KIF25: variants seen among roughly 807,000 people sequenced by gnomAD.
KIF25 encodes kinesin-like protein KIF25.
Under a neutral mutation model 32.9 loss-of-function variants are expected in KIF25, and 19 were observed. That is an observed-to-expected ratio of 0.58 (90% CI 0.40 to 0.85). KIF25 has a LOEUF of 0.85. Among genes scored for constraint, KIF25 ranks in the 40% least tolerant of loss-of-function variants. KIF25 has a pLI of 0.00. For synonymous variants in KIF25, 225 were observed against 213.7 expected, an observed-to-expected ratio of 1.05 and a Z score of -0.46; for missense variants, 485 against 507.0, an observed-to-expected ratio of 0.96 and a Z score of 0.42.
intron 4 of KIF25, among the ~76,000 whole-genome samples, chr6:168,004,610 C>A (rs775024519): frequency 6.6e-6 from 1 of 152,140 alleles, no homozygotes; most frequent in African/African-American, 2.4e-5. Flanking sequence ...TCATTTGAAA[C>A]CCCCAATGAA....
chr6:168,036,807 A>T (rs1416395666), intron 8 of KIF25, among the ~76,000 whole-genome samples: 2 of 152,228 alleles, frequency 1.3e-5, no homozygotes, highest in Admixed American at 1.3e-4. Context: ...CACACCTATA[A>T]TCCCATAACT....
Position 168,040,082 on chromosome 6 carries a change from C to G in KIF25, c.512C>G (p.Ser171Trp), listed in dbSNP as rs192414127. 4 of 1,613,356 alleles carry G rather than the reference C, an allele frequency of 2.5e-6. No homozygotes were observed. Among genetic ancestry groups the G allele is most frequent in the Non-Finnish European group, 3.4e-6 (4 of 1,179,662 alleles). Residue 171 changes from serine to tryptophan, a missense_variant, in exon 10 of 13, where the codon TCG becomes TGG. Physicochemically the swap from Ser to Trp is radical, Grantham distance 177. This residue lies in a region of KIF25 where 480 missense variants were observed against 470.3 expected (regional missense o/e 1.02). Coordinates refer to ENST00000643607, the MANE Select transcript of KIF25 (RefSeq NM_030615.4). The part of the protein sequence containing the change: ...LLASEAVGSA[S>W]KLMELVHGGL... ...GTCTGTAGGGCTGTCGGCAGCGCCT[C>G]GAAACTGATGGAGCTCGTTCATGGA...
Position 168,042,613 on chromosome 6 carries a change from C to G in KIF25, c.882C>G (p.Arg294=), listed in dbSNP as rs1352557889. The change falls in exon 12 of 13, where the codon CGC becomes CGG. Residue 294 remains arginine (R), a synonymous_variant. Coordinates refer to ENST00000643607, the MANE Select transcript of KIF25 (RefSeq NM_030615.4). The stretch of plus-strand genomic sequence containing the variant: ...TGAGGGAGATGGCGTGCATCAGCCG[C>G]AGCCTTGCGGCCCTGGCAGGCGTCC... ...LALREMACIS[R]SLAALAGVLG... The G allele has an allele frequency of 6.2e-7, 1 of 1,614,020 alleles. No individual in the cohort carries two copies. The highest frequency in any genetic ancestry group is 8.5e-7 in the Non-Finnish European group (1 of 1,180,006).
chr6:168,044,513 C>T (rs1407626932), intron 12 of KIF25, among the ~76,000 whole-genome samples: 17 of 130,732 alleles, frequency 1.3e-4, no homozygotes, highest in South Asian at 2.6e-4. Flanking sequence ...AGGTGAGGGA[C>T]GCTAGTGACT....
At chr6:168,042,949 G>A (rs75064779) in intron 12 of KIF25, among the ~76,000 whole-genome samples, 1 of 152,096 alleles carries the variant, frequency 6.6e-6, no homozygotes, top group South Asian at 2.1e-4. Flanking sequence ...CCTGGTTGGG[G>A]CTCAGTTTCT....
chr6:168,019,745 A>G (rs1422540665), intron 5 of KIF25, among the ~76,000 whole-genome samples: 1 of 152,220 alleles, frequency 6.6e-6, no homozygotes, highest in Non-Finnish European at 1.5e-5. Context: ...TCATGGCGCC[A>G]TGGGACCATG....
intron 4 of KIF25, among the ~76,000 whole-genome samples, chr6:168,005,021 G>A (rs376932016): frequency 5.9e-5 from 9 of 152,320 alleles, no homozygotes; most frequent in African/African-American, 2.2e-4. Context: ...TGTTTTTAAA[G>A]GCAGGAGGAC....
At chr6:168,015,975 C>T (rs1166888810) in intron 4 of KIF25, among the ~76,000 whole-genome samples, 1 of 152,140 alleles carries the variant, frequency 6.6e-6, no homozygotes, top group African/African-American at 2.4e-5. Flanking sequence ...CATTTGAAGA[C>T]AGCAGTAAAA....
chr6:168,019,487 G>A (rs763090108), intron 5 of KIF25, among the ~76,000 whole-genome samples: 2 of 152,094 alleles, frequency 1.3e-5, no homozygotes, highest in Non-Finnish European at 2.9e-5. Flanking sequence ...GAGGAGACGC[G>A]AACGTACTGG....
chr6:168,003,313 A>G (rs1161957843), intron 3 of KIF25, among the ~76,000 whole-genome samples: 2 of 152,232 alleles, frequency 1.3e-5, no homozygotes, highest in Non-Finnish European at 1.5e-5. Context: ...ATACATAAAA[A>G]GTAAAGAGTA....
rs139595539 is a variant in KIF25, at chr6:168,040,136, C to G, written c.566C>G (p.Thr189Ser). Residue 189 changes from threonine (T) to serine (S), a missense_variant, in exon 10 of 13, where the codon ACC becomes AGC. Physicochemically the swap from Thr to Ser is moderately conservative, Grantham distance 58 (BLOSUM62 1). Transcript: ENST00000643607. ...CTGCAGCTCAGGGCGAAGCACCCCA[C>G]CCTGGTGCACGCGGATTCCTCCAGG... The part of the protein sequence containing the change: ...GGLQLRAKHP[T>S]LVHADSSRSH... The G allele has an allele frequency of 1.2e-6, 2 of 1,614,114 alleles. No individual in the cohort carries two copies. Among genetic ancestry groups the G allele is most frequent in the African/African-American group, 2.7e-5 (2 of 75,076 alleles).
At chr6:168,005,140 A>G (rs2516810) in intron 4 of KIF25, among the ~76,000 whole-genome samples, 134,758 of 151,922 alleles carry the variant, frequency 0.89, 59,851 homozygotes, top group South Asian at 0.9. Flanking sequence ...TGTCACAGGC[A>G]AGCCTGGCAT....
chr6:168,001,193 TC>T (rs1435770865), intron 2 of KIF25, among the ~76,000 whole-genome samples: 1 of 152,236 alleles, frequency 6.6e-6, no homozygotes, highest in African/African-American at 2.4e-5. Flanking sequence ...AAGAAGTGTT[TC>T]CGATGTTGAA....
intron 12 of KIF25, among the ~76,000 whole-genome samples, chr6:168,044,088 G>A (rs889019758): frequency 7.2e-5 from 11 of 152,210 alleles, no homozygotes; most frequent in Non-Finnish European, 1.3e-4. Flanking sequence ...CAATTCCCGG[G>A]ACACAGGAGT....
intron 7 of KIF25, 65 bp downstream of exon 7, chr6:168,030,912 T>C: frequency 7.9e-7 from 1 of 1,258,944 alleles, no homozygotes; most frequent in Non-Finnish European, 1.1e-6. Flanking sequence ...AGCTTCACTG[T>C]GCTGTGGAGT....
intron 5 of KIF25, among the ~76,000 whole-genome samples, chr6:168,024,920 A>G (rs559804476): frequency 6.6e-6 from 1 of 152,244 alleles, no homozygotes; most frequent in African/African-American, 2.4e-5. Flanking sequence ...GCGTGGTGGC[A>G]CACGCCTATA....
intron 4 of KIF25, among the ~76,000 whole-genome samples, chr6:168,008,945 G>A (rs1283645102): frequency 2.0e-5 from 3 of 152,074 alleles, no homozygotes; most frequent in South Asian, 4.2e-4. Context: ...CAACTTTACC[G>A]AAGTTGTCGA....
chr6:168,037,699 C>T (rs1352803269), intron 8 of KIF25, among the ~76,000 whole-genome samples: 1 of 152,034 alleles, frequency 6.6e-6, no homozygotes, highest in Non-Finnish European at 1.5e-5. Context: ...AACATTCCTA[C>T]AAGCCAGTGC....
intron 5 of KIF25, among the ~76,000 whole-genome samples, chr6:168,025,521 C>T (rs1177460306): frequency 6.6e-6 from 1 of 152,088 alleles, no homozygotes; most frequent in Admixed American, 6.5e-5. Flanking sequence ...CAGCTGGTGT[C>T]GGTGGTAGAT....
Sources: gnomAD v4.1 joint callset for allele counts (sites outside exome capture counted in the v4.1 genomes callset) on GRCh38, gnomAD v4.1.1 for gene constraint, gnomAD v4.1.1 regional missense constraint, MANE v1.5 for transcripts, NCBI Gene and HGNC (gene_info 2026-07-23, HGNC 2026-07-21) for gene names.